Variants in CLASP2 observed in about 807,000 individuals in gnomAD.
CLASP2 encodes cytoplasmic linker associated protein 2, also known as CLIP-associating protein 2.
CLASP2 carries 47 observed loss-of-function variants against 194.4 expected under a neutral mutation model. The ratio of observed to expected loss-of-function variants is 0.24; its 90% confidence interval spans 0.19 to 0.31. The LOEUF (loss-of-function observed/expected upper bound fraction) is 0.31. CLASP2 is among the 10% of genes least tolerant of loss of function. The pLI, the probability that CLASP2 is intolerant of heterozygous loss-of-function variation, is 1.00. For synonymous variants in CLASP2, 619 were observed against 633.5 expected, an observed-to-expected ratio of 0.98 and a Z score of 0.34; for missense variants, 1,445 against 1,823.6, an observed-to-expected ratio of 0.79 and a Z score of 3.78.
At chr3:33,559,075 CAG>C (rs776550543) in intron 29 of CLASP2, 3 of 614,536 alleles carry the variant, frequency 4.9e-6, no homozygotes, top group African/African-American at 3.7e-5. Context: ...GCAAACACTG[CAG>C]AGAGTTAAGA....
chr3:33,586,491 T>C (rs2067399827), intron 21 of CLASP2, among the ~76,000 whole-genome samples: 2 of 152,062 alleles, frequency 1.3e-5, no homozygotes, highest in Non-Finnish European at 2.9e-5. Context: ...GGAACACAGG[T>C]AGAGTTAGTA....
At chr3:33,700,290 G>C (rs935751314) in intron 1 of CLASP2, among the ~76,000 whole-genome samples, 1 of 151,790 alleles carries the variant, frequency 6.6e-6, no homozygotes, top group African/African-American at 2.4e-5. Flanking sequence ...AGCTGGGTGT[G>C]GTGGCACATA....
chr3:33,657,859 C>G (rs1483920068), intron 7 of CLASP2, among the ~76,000 whole-genome samples: 1 of 152,062 alleles, frequency 6.6e-6, no homozygotes, highest in Admixed American at 6.6e-5. Flanking sequence ...TGTATCCTAT[C>G]TCTCATAGCC....
In CLASP2 at chr3:33,543,473, T is replaced by G; in HGVS notation, c.3364A>C (p.Thr1122Pro). Reference protein sequence around the residue: ...RSPANWSSPLTSPTNTSQNTL... With the variant: ...RSPANWSSPLPSPTNTSQNTL... ...TTCTGTGATGTATTGGTAGGAGAAG[T>G]AAGAGGACTGGACCAGTTAGCTGGT... Residue 1122 changes from threonine (T) to proline (P), a missense_variant, in exon 32 of 39, where the codon ACT becomes CCT. Thr to Pro is a conservative substitution (Grantham distance 38, BLOSUM62 -1). This residue lies in a region of CLASP2 where 732 missense variants were observed against 987.9 expected (regional missense o/e 0.74). Coordinates refer to ENST00000682230, the MANE Select transcript of CLASP2 (RefSeq NM_001365631.1). 1 of 1,612,700 alleles carries G rather than the reference T, an allele frequency of 6.2e-7. No homozygotes were observed. The highest frequency in any genetic ancestry group is 1.1e-5 in the South Asian group (1 of 91,066).
chr3:33,570,859 A>G, intron 25 of CLASP2, 69 bp from the exon 26 acceptor site: 1 of 1,269,028 alleles, frequency 7.9e-7, no homozygotes, highest in Non-Finnish European at 1.1e-6. Flanking sequence ...GTAACTTTAC[A>G]TATAATTTTC....
At chr3:33,689,332 C>G (rs1384059265) in intron 3 of CLASP2, among the ~76,000 whole-genome samples, 1 of 151,490 alleles carries the variant, frequency 6.6e-6, no homozygotes, top group Admixed American at 6.6e-5. Flanking sequence ...CAAAAACAAC[C>G]TAAAATGTAA....
chr3:33,713,020 A>G (rs1325811489), intron 1 of CLASP2, among the ~76,000 whole-genome samples: 2 of 141,648 alleles, frequency 1.4e-5, no homozygotes, highest in African/African-American at 2.9e-5. Flanking sequence ...CTCAAAAAAA[A>G]AAAAAAAAAA....
At chr3:33,694,360 T>C (rs1157363292) in intron 2 of CLASP2, among the ~76,000 whole-genome samples, 1 of 152,190 alleles carries the variant, frequency 6.6e-6, no homozygotes, top group African/African-American at 2.4e-5. Flanking sequence ...AGTCAGTACA[T>C]AAAACCCCAT....
intron 7 of CLASP2, chr3:33,659,255 T>A (rs1281258921): frequency 1.6e-6 from 2 of 1,261,622 alleles, no homozygotes; most frequent in Non-Finnish European, 2.0e-6. Flanking sequence ...GCTGCACATA[T>A]GCTGTTGGAT....
intron 7 of CLASP2, 117 bp from the exon 8 acceptor site, chr3:33,645,020 T>C (rs778090710): frequency 9.1e-7 from 1 of 1,095,786 alleles, no homozygotes; most frequent in South Asian, 1.4e-5. Context: ...AGATATATAA[T>C]ACGAAATAAA....
chr3:33,509,997 A>G (rs1166560452), intron 37 of CLASP2, among the ~76,000 whole-genome samples: 1 of 152,252 alleles, frequency 6.6e-6, no homozygotes, highest in Non-Finnish European at 1.5e-5. Flanking sequence ...AATATTTATC[A>G]ACAGATGAAC....
At chr3:33,589,268 T>C (rs1277050488) in intron 21 of CLASP2, among the ~76,000 whole-genome samples, 1 of 152,024 alleles carries the variant, frequency 6.6e-6, no homozygotes, top group Non-Finnish European at 1.5e-5. Flanking sequence ...AGAGACACAA[T>C]TTTGTCATAA....
chr3:33,675,657 G>C (rs1263056107), intron 6 of CLASP2, among the ~76,000 whole-genome samples: 1 of 149,504 alleles, frequency 6.7e-6, no homozygotes, highest in Non-Finnish European at 1.5e-5. Context: ...GTCCCTGTTT[G>C]CAGATGACAT....
intron 20 of CLASP2, among the ~76,000 whole-genome samples, chr3:33,594,383 T>C (rs1015796201): frequency 2.6e-5 from 4 of 152,040 alleles, no homozygotes; most frequent in Non-Finnish European, 5.9e-5. Flanking sequence ...TTTCTACAAA[T>C]TGAAAACTAT....
At chr3:33,684,279 A>T (rs1017651977) in intron 6 of CLASP2, 80 bp downstream of exon 6, 2 of 730,940 alleles carry the variant, frequency 2.7e-6, no homozygotes, top group Admixed American at 2.9e-5. Flanking sequence ...TAAAAAATAC[A>T]TTGAAATACA....
chr3:33,638,070 GA>G (rs2080507091), intron 8 of CLASP2, among the ~76,000 whole-genome samples: 1 of 151,998 alleles, frequency 6.6e-6, no homozygotes, highest in Non-Finnish European at 1.5e-5. Flanking sequence ...GATGTTCTGT[GA>G]AAAAAAGCAA....
chr3:33,615,992 TAA>T (rs1284450867), intron 12 of CLASP2, among the ~76,000 whole-genome samples: 2 of 150,928 alleles, frequency 1.3e-5, no homozygotes, highest in Non-Finnish European at 3.0e-5. Context: ...GCAAATTGTC[TAA>T]AGATATACCA....
chr3:33,700,440 A>C (rs2092295903), intron 1 of CLASP2, among the ~76,000 whole-genome samples: 1 of 151,486 alleles, frequency 6.6e-6, no homozygotes, highest in African/African-American at 2.4e-5. Flanking sequence ...AACAAACAAA[A>C]AAACCTTAAA....
intron 7 of CLASP2, among the ~76,000 whole-genome samples, chr3:33,652,543 T>G (rs1336755857): frequency 6.6e-6 from 1 of 152,190 alleles, no homozygotes; most frequent in African/African-American, 2.4e-5. Context: ...AACAATTAAA[T>G]GTTGAATATT....
Sources: gnomAD v4.1 joint callset for allele counts (sites outside exome capture counted in the v4.1 genomes callset) on GRCh38, gnomAD v4.1.1 for gene constraint, gnomAD v4.1.1 regional missense constraint, MANE v1.5 for transcripts, NCBI Gene and HGNC (gene_info 2026-07-23, HGNC 2026-07-21) for gene names.